The following PFKFB3 variants were observed in gnomAD, a reference collection of about 807,000 sequenced individuals.
PFKFB3 encodes the protein 6-phosphofructo-2-kinase/fructose-2,6-bisphosphatase 3.
In PFKFB3, 33 loss-of-function variants were observed where a neutral mutation model predicts 68.0. The ratio of observed to expected loss-of-function variants is 0.49; its 90% CI spans 0.37 to 0.65. The LOEUF (loss-of-function observed/expected upper bound fraction) is 0.65. PFKFB3 is among the 30% of genes least tolerant of loss of function. The probability of loss-of-function intolerance (pLI) is 0.00; values close to 1 mark genes in which losing one functional copy is unlikely to be tolerated. For synonymous variants in PFKFB3, 315 were observed against 288.2 expected (o/e 1.09, Z -0.94); for missense variants, 586 against 712.2 (o/e 0.82, Z 2.02).
At chr10:6,202,866 G>T, upstream of PFKFB3, 1 of 1,040,088 alleles carries the variant, frequency 9.6e-7, no homozygotes, top group Non-Finnish European at 1.2e-6. Flanking sequence ...GGCCCGCCCC[G>T]AGGCTGACGT....
chr10:6,221,657 T>G lies in PFKFB3; in HGVS notation c.995T>G (p.Leu332Arg), dbSNP rs762624356. The G allele has an allele frequency of 1.2e-6, 2 of 1,610,966 alleles. No individual in the cohort carries two copies. Among genetic ancestry groups the G allele is most frequent in the Admixed American group, 1.7e-5 (1 of 59,442 alleles). Residue 332 changes from leucine (L) to arginine (R), a missense_variant, in exon 10 of 15, where the codon CTG (leucine) becomes CGG (arginine). Coordinates refer to ENST00000379775, the MANE Select transcript of PFKFB3 (RefSeq NM_004566.4). ...NEIDAGVCEE[L>R]TYEEIRDTYP... is the part of the protein sequence containing the mutation. The stretch of plus-strand genomic sequence containing the variant: ...TCCCCGCAGGGCGTCTGTGAGGAGC[T>G]GACCTACGAGGAGATCAGGGACACC...
downstream of PFKFB3, among the ~76,000 whole-genome samples, chr10:6,254,987 T>G (rs1009405683): frequency 2.0e-5 from 3 of 151,384 alleles, no homozygotes; most frequent in African/African-American, 7.3e-5. Context: ...TGGCCAATTT[T>G]TGTATTTTTA....
the PFKFB3 span, among the ~76,000 whole-genome samples, chr10:6,299,152 G>A: frequency 1.4e-4 from 22 of 152,214 alleles, no homozygotes; most frequent in Non-Finnish European, 5.9e-5. Flanking sequence ...GGTTAGCAAA[G>A]CATTAATGGC....
the PFKFB3 span, among the ~76,000 whole-genome samples, chr10:6,303,464 G>C: frequency 3.3e-5 from 5 of 152,092 alleles, no homozygotes; most frequent in South Asian, 1.0e-3. Context: ...AGTGGGTCCA[G>C]TTTAAAAAAA....
intron 1 of PFKFB3, among the ~76,000 whole-genome samples, chr10:6,205,988 TTAA>T (rs1481524974): frequency 1.3e-5 from 2 of 151,114 alleles, no homozygotes; most frequent in South Asian, 2.1e-4. Flanking sequence ...TTTTTTTTTT[TTAA>T]TTGATCATTC....
chr10:6,192,664 C>CATGTGTGT (rs1285620223), intron 1 of PFKFB3, among the ~76,000 whole-genome samples: 18 of 128,878 alleles, frequency 1.4e-4, no homozygotes, highest in African/African-American at 5.1e-4. Flanking sequence ...TCCCCTCACC[C>CATGTGTGT]GTGTGTGTGT....
At chr10:6,193,115 CAGG>C (rs1381054696) in intron 1 of PFKFB3, among the ~76,000 whole-genome samples, 2 of 152,182 alleles carry the variant, frequency 1.3e-5, no homozygotes, top group Non-Finnish European at 2.9e-5. Flanking sequence ...CTTTGAAAGG[CAGG>C]AGATTTGCTT....
At chr10:6,311,547 G>A in the PFKFB3 span, among the ~76,000 whole-genome samples, 22 of 152,084 alleles carry the variant, frequency 1.4e-4, no homozygotes, top group African/African-American at 5.1e-4. Flanking sequence ...TCAGGAGCTC[G>A]AGACCAGCCT....
At chr10:6,207,166 G>T (rs1439062907) in intron 1 of PFKFB3, among the ~76,000 whole-genome samples, 1 of 152,218 alleles carries the variant, frequency 6.6e-6, no homozygotes, top group Non-Finnish European at 1.5e-5. Flanking sequence ...CTGAGTGAAC[G>T]AGACTCCGTC....
At chr10:6,238,679 A>G (rs866266277), downstream of PFKFB3, among the ~76,000 whole-genome samples, 1 of 152,066 alleles carries the variant, frequency 6.6e-6, no homozygotes, top group Middle Eastern at 3.4e-3. Context: ...GCAGTAAGCT[A>G]GTACCCATTA....
At chr10:6,246,876 C>T (rs1412347790) in intron 14 of PFKFB3, among the ~76,000 whole-genome samples, 1 of 152,114 alleles carries the variant, frequency 6.6e-6, no homozygotes, top group African/African-American at 2.4e-5. Context: ...AGCTCTAGGA[C>T]GCTGGAGAAA....
At position 6,229,906 on chromosome 10, in the gene PFKFB3, C is replaced by T. The variant is rs185334502; in HGVS notation, c.1516-2989C>T. Among the ~76,000 whole-genome samples, 11 of 152,200 alleles carry T rather than the reference C, an allele frequency of 7.2e-5. No individual in the cohort carries two copies. Among genetic ancestry groups the T allele is most frequent in the Non-Finnish European group, 1.3e-4 (9 of 68,004 alleles). ...ACAGCCTAGATCCCTCGTGTGTGCT[C>T]CTCCGAGTCAGGTGGTAATGTTGGC... On this transcript the variant is annotated intron_variant, in intron 14 of 14. Coordinates refer to ENST00000379775, the MANE Select transcript of PFKFB3 (RefSeq NM_004566.4). This position sits in a 1 kb window ranked among gnomAD's most constrained non-coding sequence, Gnocchi z 4.3.
At position 6,203,277 on chromosome 10, in the gene PFKFB3, C is replaced by T. The variant is rs1159680882; in HGVS notation, c.17C>T (p.Thr6Met). ...GCCGCGAAGATGCCGTTGGAACTGA[C>T]GCAGAGCCGAGTGCAGAAGATCTGG... MPLELTQSRVQKIWVP... is the reference protein window; with the variant it reads MPLELMQSRVQKIWVP... The change falls in exon 1 of 15, where the codon ACG becomes ATG. Residue 6 changes from threonine to methionine, a missense_variant. Coordinates refer to ENST00000379775, the MANE Select transcript of PFKFB3 (RefSeq NM_004566.4). The T allele has an allele frequency of 1.9e-6, 3 of 1,610,626 alleles. No homozygotes were observed. The highest frequency in any genetic ancestry group is 2.2e-5 in the South Asian group (2 of 90,552).
chr10:6,280,179 A>C, the PFKFB3 span, among the ~76,000 whole-genome samples: 6 of 152,204 alleles, frequency 3.9e-5, no homozygotes, highest in Non-Finnish European at 8.8e-5. Context: ...CTCCAGGATA[A>C]CTGCCTCACG....
chr10:6,312,112 G>A, the PFKFB3 span, among the ~76,000 whole-genome samples: 10 of 152,072 alleles, frequency 6.6e-5, no homozygotes, highest in Middle Eastern at 3.5e-3. Context: ...GGTGGCAAGC[G>A]GGGCTGTGCT....
chr10:6,193,981 CTGGGGATATGATGGCTTAGCT>C (rs147412070), intron 1 of PFKFB3, among the ~76,000 whole-genome samples: 3,109 of 152,308 alleles, frequency 0.02, 107 homozygotes, highest in African/African-American at 0.072. Flanking sequence ...GTGCAGGTCA[CTGGGGATATGATGGCTTAGCT>C]TGGGCTCAGA....
the PFKFB3 span, among the ~76,000 whole-genome samples, chr10:6,316,476 C>A: frequency 2.6e-5 from 4 of 152,110 alleles, no homozygotes; most frequent in African/African-American, 7.2e-5. Flanking sequence ...CAAGCTTTTT[C>A]TTTTCTTTCC....
At chr10:6,310,383 C>T in the PFKFB3 span, among the ~76,000 whole-genome samples, 3 of 152,064 alleles carry the variant, frequency 2.0e-5, no homozygotes, top group Non-Finnish European at 2.9e-5. Flanking sequence ...AATGGTGTCC[C>T]TGTCCCTCCC....
In PFKFB3 at chr10:6,246,976, C is replaced by T. The variant is rs566408853; in HGVS notation, c.1516-7202C>T. 4.3e-4 allele frequency among the ~76,000 whole-genome samples: 66 copies of T among 152,326 alleles called. No homozygotes were observed. In the South Asian group the frequency reaches 0.014, roughly 32 times the overall value. ...CCCGAGGCTGGTGCGGCGCCCTTGC[C>T]CTGTGGGTCTGTTGCCCAGACCCGG... is the stretch of plus-strand genomic sequence containing the variant. On this transcript the variant is annotated intron_variant, in intron 14 of 14. Transcript: ENST00000640683.
Sources: allele counts gnomAD v4.1 joint callset (sites outside exome capture counted in the v4.1 genomes callset), GRCh38; gene constraint gnomAD v4.1.1; non-coding constraint Gnocchi (gnomAD v3.1); transcripts MANE v1.5; gene names NCBI Gene and HGNC (gene_info 2026-07-23, HGNC 2026-07-21).